The following RHBDD1 variants were observed in gnomAD, a reference collection of about 807,000 sequenced individuals.
The protein encoded by RHBDD1 is rhomboid-related protein 4.
RHBDD1 carries 38 observed loss-of-function variants against 36.3 expected under a neutral mutation model. That is an observed-to-expected ratio of 1.05 (90% confidence interval 0.81 to 1.37). RHBDD1 has a LOEUF of 1.37. Among genes scored for constraint, RHBDD1 ranks in the 40% most tolerant of loss-of-function variants. The pLI, the probability that RHBDD1 is intolerant of heterozygous loss-of-function variation, is 0.00. For missense variants in RHBDD1, 393 were observed against 377.6 expected (o/e 1.04, Z -0.34); for synonymous variants, 151 against 136.5 (o/e 1.11, Z -0.74).
At chr2:226,936,086 T>C (rs1950314831) in intron 8 of RHBDD1, among the ~76,000 whole-genome samples, 1 of 152,150 alleles carries the variant, frequency 6.6e-6, no homozygotes, top group Admixed American at 6.6e-5. Flanking sequence ...AAACTTTCTA[T>C]GTAATAAAAA....
intron 8 of RHBDD1, among the ~76,000 whole-genome samples, chr2:226,981,167 T>C (rs1371306987): frequency 6.6e-6 from 1 of 151,974 alleles, no homozygotes; most frequent in African/African-American, 2.4e-5. Flanking sequence ...AATTGAACAA[T>C]GAGAACACTT....
At chr2:226,914,149 A>G in intron 7 of RHBDD1, 59 bp from the exon 8 acceptor site, 1 of 1,500,666 alleles carries the variant, frequency 6.7e-7, no homozygotes, top group Non-Finnish European at 9.2e-7. Flanking sequence ...TATACAAAAC[A>G]GGAAGTATAA....
At chr2:226,893,845 TAC>T (rs1393172897) in intron 5 of RHBDD1, among the ~76,000 whole-genome samples, 3 of 152,156 alleles carry the variant, frequency 2.0e-5, no homozygotes, top group Admixed American at 2.0e-4. Context: ...AATAGTCCTC[TAC>T]ACACAGCACT....
At chr2:226,948,289 T>G (rs965391143) in intron 8 of RHBDD1, among the ~76,000 whole-genome samples, 1 of 148,706 alleles carries the variant, frequency 6.7e-6, no homozygotes, top group East Asian at 2.0e-4. Context: ...AAATTGGAAA[T>G]CATCATTCTC....
intron 7 of RHBDD1, among the ~76,000 whole-genome samples, chr2:226,911,294 G>T (rs992454056): frequency 3.3e-5 from 5 of 152,008 alleles, no homozygotes; most frequent in Admixed American, 2.0e-4. Flanking sequence ...TTTCCACATG[G>T]GTTTGAAAGT....
At chr2:226,929,628 C>T (rs1949892135) in intron 8 of RHBDD1, among the ~76,000 whole-genome samples, 1 of 152,090 alleles carries the variant, frequency 6.6e-6, no homozygotes, top group Admixed American at 6.6e-5. Flanking sequence ...CTCTATTCAA[C>T]ACATTACTGG....
chr2:226,867,519 G>GT, intron 5 of RHBDD1: 1 of 937,312 alleles, frequency 1.1e-6, no homozygotes, highest in Non-Finnish European at 1.3e-6. Flanking sequence ...ATAATTTTGG[G>GT]TCACTTGTCT....
chr2:226,832,834 C>A (rs1352830771), upstream of RHBDD1, among the ~76,000 whole-genome samples: 1 of 151,988 alleles, frequency 6.6e-6, no homozygotes, highest in Non-Finnish European at 1.5e-5. Context: ...ATGGTGAAAC[C>A]CCATCTCTAC....
the RHBDD1 span, among the ~76,000 whole-genome samples, chr2:226,823,886 T>C: frequency 1.3e-5 from 2 of 152,168 alleles, no homozygotes; most frequent in African/African-American, 4.8e-5. Flanking sequence ...AGCTCGATTC[T>C]ATAACAAACC....
chr2:226,932,027 A>G (rs948457325), intron 8 of RHBDD1, among the ~76,000 whole-genome samples: 1 of 152,170 alleles, frequency 6.6e-6, no homozygotes, highest in Non-Finnish European at 1.5e-5. Flanking sequence ...AGTTTCGAAC[A>G]TGCAGATCCT....
At chr2:226,984,644 G>A (rs1018692897) in intron 8 of RHBDD1, among the ~76,000 whole-genome samples, 2 of 152,202 alleles carry the variant, frequency 1.3e-5, no homozygotes, top group Admixed American at 6.5e-5. Flanking sequence ...AACAGCTAAC[G>A]CCCTGGGGTC....
intron 5 of RHBDD1, among the ~76,000 whole-genome samples, chr2:226,888,695 T>A (rs931645680): frequency 1.5e-4 from 23 of 152,236 alleles, no homozygotes; most frequent in Admixed American, 1.4e-3. Context: ...TGTGTACATT[T>A]CTTTCTTTGC....
intron 8 of RHBDD1, among the ~76,000 whole-genome samples, chr2:226,954,090 T>C (rs1429843891): frequency 6.6e-6 from 1 of 152,158 alleles, no homozygotes; most frequent in East Asian, 1.9e-4. Context: ...ATACCTGCCA[T>C]GTTTCCGGTG....
At chr2:226,850,693 G>C (rs1289166031) in intron 3 of RHBDD1, among the ~76,000 whole-genome samples, 2 of 152,168 alleles carry the variant, frequency 1.3e-5, no homozygotes, top group Non-Finnish European at 2.9e-5. Context: ...CTAAGACAGA[G>C]TGATTTTTAA....
At chr2:226,960,210 G>A (rs1464186371) in intron 8 of RHBDD1, among the ~76,000 whole-genome samples, 2 of 152,130 alleles carry the variant, frequency 1.3e-5, no homozygotes, top group Admixed American at 6.5e-5. Flanking sequence ...AGAGTTCGAG[G>A]TCCTCCCTAT....
chr2:226,849,901 G>A (rs1199046646), intron 3 of RHBDD1, among the ~76,000 whole-genome samples: 1 of 152,106 alleles, frequency 6.6e-6, no homozygotes, highest in East Asian at 1.9e-4. Flanking sequence ...ACATATATAT[G>A]TGTAGATATT....
intron 7 of RHBDD1, among the ~76,000 whole-genome samples, chr2:226,910,659 G>C (rs1948454741): frequency 6.7e-6 from 1 of 150,232 alleles, no homozygotes; most frequent in African/African-American, 2.5e-5. Flanking sequence ...CAGAGCCTAA[G>C]TATATAACTA....
intron 8 of RHBDD1, among the ~76,000 whole-genome samples, chr2:226,923,923 G>C (rs755913961): frequency 5.3e-5 from 8 of 152,116 alleles, no homozygotes; most frequent in African/African-American, 9.7e-5. Flanking sequence ...CTCTGGCCCA[G>C]CTCAGGTCCA....
intron 8 of RHBDD1, among the ~76,000 whole-genome samples, chr2:226,948,574 A>AAAAAAAAAAAAAAG (rs1951179385): frequency 1.0e-5 from 1 of 97,812 alleles, no homozygotes; most frequent in Non-Finnish European, 2.1e-5. Context: ...TAAAAAAAAA[A>AAAAAAAAAAAAAAG]AAAAAAAAAA....
Sources: allele counts gnomAD v4.1 joint callset (sites outside exome capture counted in the v4.1 genomes callset), GRCh38; gene constraint gnomAD v4.1.1; transcripts MANE v1.5; gene names NCBI Gene and HGNC (gene_info 2026-07-23, HGNC 2026-07-21).